Variants in LDLRAD3 observed in about 807,000 individuals in gnomAD.
LDLRAD3 encodes low density lipoprotein receptor class A domain containing 3.
In LDLRAD3, 20 loss-of-function variants were observed where a neutral mutation model predicts 29.4. The ratio of observed to expected loss-of-function variants is 0.68; its 90% CI spans 0.48 to 0.99. The LOEUF (loss-of-function observed/expected upper bound fraction) is 0.99. Ranked by LOEUF, LDLRAD3 falls within the 50% of genes least tolerant of loss-of-function variation. The pLI, the probability that LDLRAD3 is intolerant of heterozygous loss-of-function variation, is 0.00. For missense variants in LDLRAD3, 420 were observed against 454.3 expected, an observed-to-expected ratio of 0.92 and a Z score of 0.69; for synonymous variants, 157 against 192.7, an observed-to-expected ratio of 0.81 and a Z score of 1.53.
intron 4 of LDLRAD3, among the ~76,000 whole-genome samples, chr11:36,220,162 T>G (rs1392162625): frequency 6.6e-6 from 1 of 152,160 alleles, no homozygotes; most frequent in African/African-American, 2.4e-5. Flanking sequence ...CCTATTAAGA[T>G]GGCTAAAATT....
At chr11:35,999,604 C>T (rs1851797648) in intron 1 of LDLRAD3, among the ~76,000 whole-genome samples, 1 of 152,086 alleles carries the variant, frequency 6.6e-6, no homozygotes, top group African/African-American at 2.4e-5. Context: ...CCTGCCCAAT[C>T]CCAAGTCTCC....
At chr11:35,991,864 TG>T (rs1851695384) in intron 1 of LDLRAD3, among the ~76,000 whole-genome samples, 2 of 60,130 alleles carry the variant, frequency 3.3e-5, no homozygotes, top group South Asian at 1.5e-3. Flanking sequence ...ATTGAATGGT[TG>T]TTTGTGTGTG....
chr11:35,976,908 G>A (rs1851484087), intron 1 of LDLRAD3, among the ~76,000 whole-genome samples: 1 of 152,166 alleles, frequency 6.6e-6, no homozygotes, highest in Non-Finnish European at 1.5e-5. Context: ...GTTTAGCTGT[G>A]TTGCTTTGGC....
chr11:35,948,765 G>A (rs139685674), intron 1 of LDLRAD3, among the ~76,000 whole-genome samples: 93 of 152,190 alleles, frequency 6.1e-4, no homozygotes, highest in African/African-American at 2.2e-3. Context: ...GTCTCGGGCA[G>A]GGTTTCTCAG....
chr11:35,994,336 C>CAAAAA (rs36041385), intron 1 of LDLRAD3, among the ~76,000 whole-genome samples: 2 of 49,034 alleles, frequency 4.1e-5, no homozygotes, highest in Non-Finnish European at 7.7e-5. Flanking sequence ...GACTTTGTCT[C>CAAAAA]AAAAAAAAAA....
chr11:36,171,886 A>G (rs1854603405), intron 4 of LDLRAD3, among the ~76,000 whole-genome samples: 1 of 152,130 alleles, frequency 6.6e-6, no homozygotes, highest in Admixed American at 6.6e-5. Context: ...GATGGGAATT[A>G]GATTGAATTT....
At chr11:36,101,374 A>G (rs1393978384) in intron 4 of LDLRAD3, among the ~76,000 whole-genome samples, 1 of 152,194 alleles carries the variant, frequency 6.6e-6, no homozygotes, top group Non-Finnish European at 1.5e-5. Context: ...AAGACTAGAA[A>G]AGACTTCTTG....
chr11:36,221,097 C>T (rs750066574), intron 4 of LDLRAD3, among the ~76,000 whole-genome samples: 1 of 151,658 alleles, frequency 6.6e-6, no homozygotes, highest in African/African-American at 2.4e-5. Flanking sequence ...CCTGTAGTCC[C>T]AGCACTTTGG....
intron 2 of LDLRAD3, among the ~76,000 whole-genome samples, chr11:36,053,093 C>T (rs558209277): frequency 6.6e-6 from 1 of 152,114 alleles, no homozygotes; most frequent in South Asian, 2.1e-4. Flanking sequence ...GGAGCATGGA[C>T]TCTTGTCCTT....
At chr11:36,032,147 A>C (rs895907742) in intron 1 of LDLRAD3, among the ~76,000 whole-genome samples, 1 of 152,160 alleles carries the variant, frequency 6.6e-6, no homozygotes, top group Non-Finnish European at 1.5e-5. Context: ...CTCTTTAAAG[A>C]TCCTCATCTC....
rs1245691126 is a variant in LDLRAD3, at chr11:36,145,258, G to A, written c.454+46797G>A. ...GCCCCGTCCGGGAGGGAAGTGGGGG[G>A]GGGTCAGCCCCCCGCCCGGCCAGCT... On this transcript the variant is annotated intron_variant, in intron 4 of 5. Coordinates refer to ENST00000315571, the MANE Select transcript of LDLRAD3 (RefSeq NM_174902.4). Among the ~76,000 whole-genome samples the A allele has an allele frequency of 8.8e-5, 9 of 102,394 alleles. 1 individual carries two copies. The highest frequency in any genetic ancestry group is 1.4e-4 in the Non-Finnish European group (7 of 49,692). 67.2% of individuals were successfully genotyped at this position (102,394 alleles called of 152,430 possible).
At chr11:36,061,904 G>A in intron 2 of LDLRAD3, among the ~76,000 whole-genome samples, 1 of 151,698 alleles carries the variant, frequency 6.6e-6, no homozygotes, top group Non-Finnish European at 1.5e-5. Flanking sequence ...CATATTAATT[G>A]TTACTGGATA....
chr11:35,949,333 A>G (rs1367083159), intron 1 of LDLRAD3, among the ~76,000 whole-genome samples: 2 of 152,214 alleles, frequency 1.3e-5, no homozygotes, highest in Non-Finnish European at 2.9e-5. Context: ...GGTTCCCTGA[A>G]TGTTAAACCT....
intron 4 of LDLRAD3, among the ~76,000 whole-genome samples, chr11:36,103,058 T>C (rs1034454203): frequency 3.9e-5 from 6 of 152,128 alleles, no homozygotes; most frequent in Non-Finnish European, 8.8e-5. Context: ...ATGTTCACAT[T>C]GTTGTGCAAC....
At chr11:36,062,308 C>T (rs964149645) in intron 2 of LDLRAD3, among the ~76,000 whole-genome samples, 1 of 152,124 alleles carries the variant, frequency 6.6e-6, no homozygotes, top group African/African-American at 2.4e-5. Context: ...TTGACCTTTC[C>T]CTAGTACAGG....
chr11:36,007,502 G>A (rs1425865093), intron 1 of LDLRAD3, among the ~76,000 whole-genome samples: 1 of 152,214 alleles, frequency 6.6e-6, no homozygotes, highest in Non-Finnish European at 1.5e-5. Context: ...GCATACTGGA[G>A]AGAATCTGAT....
intron 4 of LDLRAD3, among the ~76,000 whole-genome samples, chr11:36,189,538 C>T (rs1341967922): frequency 4.0e-5 from 6 of 151,740 alleles, no homozygotes; most frequent in Non-Finnish European, 8.8e-5. Flanking sequence ...CCCCCTGCAC[C>T]CCCATCTACA....
At chr11:36,214,850 T>G (rs1211853666) in intron 4 of LDLRAD3, among the ~76,000 whole-genome samples, 1 of 152,212 alleles carries the variant, frequency 6.6e-6, no homozygotes, top group Non-Finnish European at 1.5e-5. Context: ...GCCACAGAGT[T>G]AGAGACACTC....
intron 2 of LDLRAD3, among the ~76,000 whole-genome samples, chr11:36,064,632 T>G (rs1050390750): frequency 6.6e-6 from 1 of 152,094 alleles, no homozygotes; most frequent in Non-Finnish European, 1.5e-5. Context: ...TTCTAATAGT[T>G]TTTTTGTGTA....
Sources: allele counts gnomAD v4.1 joint callset (sites outside exome capture counted in the v4.1 genomes callset), GRCh38; gene constraint gnomAD v4.1.1; transcripts MANE v1.5; gene names NCBI Gene and HGNC (gene_info 2026-07-23, HGNC 2026-07-21).